Variants in CHMP3 observed in about 807,000 individuals in gnomAD.
CHMP3 encodes the protein 25.1 protein.
A neutral mutation model predicts 27.4 loss-of-function variants in CHMP3; 8 were observed. The ratio of observed to expected loss-of-function variants is 0.29; its 90% CI spans 0.17 to 0.53. CHMP3 has a LOEUF of 0.53. CHMP3 is among the 20% of genes least tolerant of loss of function. CHMP3 has a pLI of 0.96. For synonymous variants in CHMP3, 86 were observed against 85.5 expected, an observed-to-expected ratio of 1.01 and a Z score of -0.03; for missense variants, 208 against 271.5, an observed-to-expected ratio of 0.77 and a Z score of 1.64.
In CHMP3 at chr2:86,505,849, C is replaced by T. The variant is rs1480249951; in HGVS notation, c.624G>A (p.Glu208=). ...GCCGGGACTGCATGGCCTCCAGAGC[C>T]TCTTCCTCCTCCTCCTCATCCTCTG... ...AASEDEEEEE[E]ALEAMQSRLA... The change falls in exon 6 of 6, where the codon GAG becomes GAA. Residue 208 remains glutamate (E), a synonymous_variant. Transcript: ENST00000263856. 1.2e-5 allele frequency: 19 copies of T among 1,603,996 alleles called. No homozygotes were observed. Among genetic ancestry groups the T allele is most frequent in the Non-Finnish European group, 1.4e-5 (17 of 1,175,120 alleles).
chr2:86,505,624 T>C lies in CHMP3; in HGVS notation c.*180A>G. ...TATACTCCTAAAAATGATGCATTTA[T>C]TTATGCCACTTTTATAAGAACAATC... is the stretch of plus-strand genomic sequence containing the variant. On this transcript the variant is annotated 3_prime_UTR_variant, in exon 6 of 6. Transcript: ENST00000263856. 1 of 800,052 alleles carries C rather than the reference T, an allele frequency of 1.2e-6. No individual in the cohort carries two copies. The highest frequency in any genetic ancestry group is 1.8e-6 in the Non-Finnish European group (1 of 565,538). 49.6% of individuals were successfully genotyped at this position (800,052 alleles called of 1,614,324 possible). A position where few individuals can be genotyped will look rare whatever the true frequency, so the allele number is the denominator to read the frequency against.
At chr2:86,556,957 TGAGA>T (rs1677148290) in intron 1 of CHMP3, among the ~76,000 whole-genome samples, 1 of 152,208 alleles carries the variant, frequency 6.6e-6, no homozygotes, top group Non-Finnish European at 1.5e-5. Flanking sequence ...TTACACTTCC[TGAGA>T]AAGTTCAACA....
At chr2:86,514,985 A>G (rs1282610525) in intron 3 of CHMP3, among the ~76,000 whole-genome samples, 1 of 152,194 alleles carries the variant, frequency 6.6e-6, no homozygotes, top group Admixed American at 6.5e-5. Context: ...AACAAAGATC[A>G]AAGTAACACA....
chr2:86,561,272 T>C (rs939140516), intron 1 of CHMP3, among the ~76,000 whole-genome samples: 1 of 152,228 alleles, frequency 6.6e-6, no homozygotes, highest in Non-Finnish European at 1.5e-5. Context: ...CTAAATACTG[T>C]ATGCCTCAGT....
chr2:86,562,183 T>G (rs561185217), intron 1 of CHMP3: 3 of 152,194 alleles, frequency 2.0e-5, no homozygotes, highest in African/African-American at 7.2e-5. Flanking sequence ...TAACGCACAT[T>G]ATGTGCCAGG....
chr2:86,542,464 T>C, intron 1 of CHMP3, 152 bp from the exon 2 acceptor site: 1 of 727,036 alleles, frequency 1.4e-6, no homozygotes, highest in Non-Finnish European at 2.3e-6. Flanking sequence ...AATTTTACTT[T>C]TTTTTAATTT....
intron 1 of CHMP3, among the ~76,000 whole-genome samples, chr2:86,555,125 G>A (rs1373329406): frequency 1.3e-5 from 2 of 152,062 alleles, no homozygotes; most frequent in Admixed American, 1.3e-4. Context: ...TGGGATTACA[G>A]GCATGAGCCA....
intron 3 of CHMP3, among the ~76,000 whole-genome samples, chr2:86,518,340 T>C (rs2104754172): frequency 6.6e-6 from 1 of 152,048 alleles, no homozygotes; most frequent in Non-Finnish European, 1.5e-5. Flanking sequence ...AAAAAGGAGA[T>C]AGTACAAACA....
intron 4 of CHMP3, among the ~76,000 whole-genome samples, chr2:86,509,802 G>A (rs981582092): frequency 6.6e-6 from 1 of 152,350 alleles, no homozygotes; most frequent in Middle Eastern, 3.4e-3. Flanking sequence ...GAACAGACTA[G>A]GAGATAGGAC....
At chr2:86,541,387 TTCTC>T (rs1676354092) in intron 2 of CHMP3, 1 of 152,102 alleles carries the variant, frequency 6.6e-6, no homozygotes, top group South Asian at 2.1e-4. Flanking sequence ...TTGAAGTTCT[TTCTC>T]TGAGTATTTC....
At chr2:86,517,552 C>T (rs891430429) in intron 3 of CHMP3, among the ~76,000 whole-genome samples, 24 of 123,074 alleles carry the variant, frequency 2.0e-4, no homozygotes, top group Non-Finnish European at 2.4e-4. Context: ...GGAGACAGAG[C>T]GAGACTCCGT....
intron 5 of CHMP3, among the ~76,000 whole-genome samples, chr2:86,506,423 A>G (rs528909747): frequency 4.6e-5 from 7 of 152,254 alleles, no homozygotes; most frequent in African/African-American, 1.7e-4. Flanking sequence ...GGAGATTACT[A>G]TTTTTATCAT....
At chr2:86,507,744 G>A (rs1215228511) in intron 4 of CHMP3, 151 bp from the exon 5 acceptor site, 19 of 669,512 alleles carry the variant, frequency 2.8e-5, no homozygotes, top group Non-Finnish European at 3.9e-5. Context: ...AACACTGGAT[G>A]TTGTCCTCTC....
intron 1 of CHMP3, among the ~76,000 whole-genome samples, chr2:86,550,750 ATGGT>A (rs1341852262): frequency 1.3e-5 from 2 of 152,170 alleles, no homozygotes; most frequent in African/African-American, 4.8e-5. Flanking sequence ...AAAAAAACAA[ATGGT>A]TGGCTGCATC....
chr2:86,545,554 CA>C (rs1676549781), intron 1 of CHMP3, among the ~76,000 whole-genome samples: 3 of 113,026 alleles, frequency 2.7e-5, no homozygotes. Flanking sequence ...GACTGCCGGG[CA>C]GAGGCGCTCC....
chr2:86,548,179 C>CTTTTTTTTT (rs55949258), intron 1 of CHMP3, among the ~76,000 whole-genome samples: 2 of 116,070 alleles, frequency 1.7e-5, no homozygotes, highest in African/African-American at 6.0e-5. Context: ...GAGGAGTTCT[C>CTTTTTTTTT]TTTTTTTTTT....
chr2:86,535,234 G>A (rs953809522), intron 2 of CHMP3, among the ~76,000 whole-genome samples: 3 of 141,982 alleles, frequency 2.1e-5, no homozygotes, highest in Non-Finnish European at 4.5e-5. Context: ...CAGCCTGGGT[G>A]ACAGAGCAAG....
At chr2:86,556,688 T>C (rs1384445674) in intron 1 of CHMP3, among the ~76,000 whole-genome samples, 1 of 152,200 alleles carries the variant, frequency 6.6e-6, no homozygotes, top group African/African-American at 2.4e-5. Context: ...ACCATGTTAA[T>C]TACCCACAAG....
intron 2 of CHMP3, among the ~76,000 whole-genome samples, chr2:86,533,199 A>T (rs1422270368): frequency 1.3e-5 from 2 of 152,200 alleles, no homozygotes; most frequent in Admixed American, 1.3e-4. Context: ...TAGGTTACAC[A>T]ATTTATTAAC....
Sources: gnomAD v4.1 joint callset for allele counts (sites outside exome capture counted in the v4.1 genomes callset) on GRCh38, gnomAD v4.1.1 for gene constraint, MANE v1.5 for transcripts, NCBI Gene and HGNC (gene_info 2026-07-23, HGNC 2026-07-21) for gene names.